SLC2A9: variants seen among roughly 807,000 people sequenced by gnomAD.
The protein encoded by SLC2A9 is solute carrier family 2 member 9.
In SLC2A9, 39 loss-of-function variants were observed where a neutral mutation model predicts 50.6. The observed-to-expected ratio is 0.77, with a 90% CI of 0.60 to 1.01. SLC2A9 has a LOEUF of 1.01. Among genes scored for constraint, SLC2A9 ranks in the 50% least tolerant of loss-of-function variants. The probability of loss-of-function intolerance (pLI) is 0.00; values close to 1 mark genes in which losing one functional copy is unlikely to be tolerated. For synonymous variants in SLC2A9, 324 were observed against 276.9 expected (o/e 1.17, Z -1.69); for missense variants, 686 against 677.6 (o/e 1.01, Z -0.14).
At chr4:9,899,279 T>A (rs1739163083) in intron 8 of SLC2A9, among the ~76,000 whole-genome samples, 1 of 152,220 alleles carries the variant, frequency 6.6e-6, no homozygotes, top group Non-Finnish European at 1.5e-5. Flanking sequence ...GTCAAAGTTT[T>A]AGCTGCAAAA....
intron 8 of SLC2A9, among the ~76,000 whole-genome samples, chr4:9,894,958 A>G (rs1224728030): frequency 2.6e-5 from 4 of 152,200 alleles, no homozygotes; most frequent in Non-Finnish European, 4.4e-5. Flanking sequence ...TGTTACACTA[A>G]GCTTATCATG....
intron 3 of SLC2A9, among the ~76,000 whole-genome samples, chr4:9,814,371 A>G (rs1324244083): frequency 1.3e-5 from 2 of 152,218 alleles, no homozygotes; most frequent in African/African-American, 4.8e-5. Flanking sequence ...ATTAACCATT[A>G]ATCCAGAGTA....
At chr4:10,010,601 G>T (rs1761601994) in intron 2 of SLC2A9, among the ~76,000 whole-genome samples, 1 of 152,144 alleles carries the variant, frequency 6.6e-6, no homozygotes, top group Admixed American at 6.5e-5. Context: ...TACTTTGATA[G>T]ACGCCAGGGA....
intron 7 of SLC2A9, among the ~76,000 whole-genome samples, chr4:9,913,526 G>A (rs889938342): frequency 2.6e-5 from 4 of 152,268 alleles, no homozygotes; most frequent in South Asian, 2.1e-4. Flanking sequence ...GAACTGTGCC[G>A]ATGCCTCACC....
At chr4:9,948,149 A>C (rs558823815) in intron 5 of SLC2A9, among the ~76,000 whole-genome samples, 1 of 146,536 alleles carries the variant, frequency 6.8e-6, no homozygotes, top group Admixed American at 6.8e-5. Flanking sequence ...TCCATGACAC[A>C]CTCTCCCTGG....
chr4:9,806,090 A>G (rs1460013443), intron 3 of SLC2A9, among the ~76,000 whole-genome samples: 2 of 152,200 alleles, frequency 1.3e-5, no homozygotes, highest in Admixed American at 1.3e-4. Flanking sequence ...GGAGCAGTCA[A>G]CACTCAGTAA....
intron 2 of SLC2A9, among the ~76,000 whole-genome samples, chr4:10,016,395 C>T (rs1228661468): frequency 1.3e-5 from 2 of 152,178 alleles, no homozygotes; most frequent in South Asian, 2.1e-4. Context: ...CCATACCTCA[C>T]AGGGCTGTCA....
At chr4:9,867,588 A>G (rs1577606988) in intron 10 of SLC2A9, among the ~76,000 whole-genome samples, 1 of 152,344 alleles carries the variant, frequency 6.6e-6, no homozygotes, top group Middle Eastern at 3.4e-3. Flanking sequence ...CTGTAGAGAT[A>G]GACGGGCGGC....
At chr4:9,792,010 A>T (rs1395927248) in intron 3 of SLC2A9, among the ~76,000 whole-genome samples, 1 of 152,070 alleles carries the variant, frequency 6.6e-6, no homozygotes, top group Non-Finnish European at 1.5e-5. Flanking sequence ...TTTCCATTTC[A>T]TCCTTAAGTC....
intron 6 of SLC2A9, among the ~76,000 whole-genome samples, chr4:9,932,132 T>A (rs1746263268): frequency 6.6e-6 from 1 of 151,254 alleles, no homozygotes; most frequent in African/African-American, 2.4e-5. Context: ...AATGGCACTC[T>A]CTCTCTCTTT....
chr4:9,906,617 G>A (rs1315782111), intron 8 of SLC2A9, among the ~76,000 whole-genome samples: 2 of 152,204 alleles, frequency 1.3e-5, no homozygotes, highest in African/African-American at 4.8e-5. Flanking sequence ...TAGTATGATT[G>A]TAGGTAATTT....
At chr4:10,009,268 C>T (rs552184965) in intron 2 of SLC2A9, among the ~76,000 whole-genome samples, 4 of 152,138 alleles carry the variant, frequency 2.6e-5, no homozygotes, top group Non-Finnish European at 5.9e-5. Context: ...TCTCTAAGAG[C>T]GCCTGGGTTC....
At chr4:10,037,311 T>G (rs1160783195) in intron 1 of SLC2A9, among the ~76,000 whole-genome samples, 1 of 152,164 alleles carries the variant, frequency 6.6e-6, no homozygotes, top group Non-Finnish European at 1.5e-5. Flanking sequence ...GAACATTTCA[T>G]AAAAATGGGA....
At chr4:9,916,862 G>T (rs1742938074) in intron 7 of SLC2A9, among the ~76,000 whole-genome samples, 1 of 152,208 alleles carries the variant, frequency 6.6e-6, no homozygotes, top group African/African-American at 2.4e-5. Context: ...CCTATCTCCT[G>T]CCCTCACCTC....
At position 10,037,730 on chromosome 4, in the gene SLC2A9, C is replaced by T. The variant is rs1247630636; in HGVS notation, c.-41+2400G>A. Among the ~76,000 whole-genome samples, 4 of 152,150 alleles carry T rather than the reference C, an allele frequency of 2.6e-5. No individual in the cohort carries two copies. The East Asian group carries it at 7.7e-4, about 29-fold the overall frequency. On this transcript the variant is annotated intron_variant, in intron 1 of 12. Transcript: ENST00000309065. Reference sequence around the variant, plus strand: ...ATGGAAGGCCAAGGTGGGCAGATCACTTGAGGTCAGGAGTTCAAGACCAGC... The same window carrying T: ...ATGGAAGGCCAAGGTGGGCAGATCATTTGAGGTCAGGAGTTCAAGACCAGC...
At chr4:9,913,303 T>TTGTG (rs59023239) in intron 7 of SLC2A9, among the ~76,000 whole-genome samples, 3,262 of 142,078 alleles carry the variant, frequency 0.023, 38 homozygotes, top group Middle Eastern at 0.048. Flanking sequence ...TCCTGTGTGT[T>TTGTG]TGTGTGTGTG....
rs761200015 is a variant in SLC2A9 at position 10,021,370 on chromosome 4, G to T, written c.60C>A (p.Asp20Glu). The T allele has an allele frequency of 1.2e-6, 2 of 1,614,134 alleles. No individual in the cohort carries two copies. The highest frequency in any genetic ancestry group is 1.7e-5 in the Admixed American group (1 of 60,016). The stretch of plus-strand genomic sequence containing the variant: ...GCCCTGGAGGCCCGGCGTGGCTGGT[G>T]TCATCTGTGAGGGGAACTAGGCCCA... ...KELGLVPLTD[D>E]TSHAGPPGPG... Residue 20 changes from aspartate (D) to glutamate (E), a missense_variant, in exon 1 of 12, where the codon GAC becomes GAA. Physicochemically the swap from Asp to Glu is conservative, Grantham distance 45 (BLOSUM62 2). Coordinates refer to ENST00000264784, the MANE Select transcript of SLC2A9 (RefSeq NM_020041.3).
chr4:9,891,148 G>A (rs1315178247), intron 8 of SLC2A9, among the ~76,000 whole-genome samples: 1 of 152,186 alleles, frequency 6.6e-6, no homozygotes, highest in Non-Finnish European at 1.5e-5. Flanking sequence ...AGGCAGAGAA[G>A]CCCATGTCGT....
At chr4:9,891,251 G>A (rs1737364491) in intron 8 of SLC2A9, among the ~76,000 whole-genome samples, 1 of 152,216 alleles carries the variant, frequency 6.6e-6, no homozygotes, top group Non-Finnish European at 1.5e-5. Flanking sequence ...TGTCCTCGAA[G>A]CCAGCTTCCC....
Sources: allele counts gnomAD v4.1 joint callset (sites outside exome capture counted in the v4.1 genomes callset), GRCh38; gene constraint gnomAD v4.1.1; transcripts MANE v1.5; gene names NCBI Gene and HGNC (gene_info 2026-07-23, HGNC 2026-07-21).